RAPH1: variants seen among roughly 807,000 people sequenced by gnomAD.
RAPH1 encodes Ras association (RalGDS/AF-6) and pleckstrin homology domains 1.
Under a neutral mutation model 88.1 loss-of-function variants are expected in RAPH1, and 18 were observed. The ratio of observed to expected loss-of-function variants is 0.20; its 90% confidence interval spans 0.14 to 0.30. The LOEUF (loss-of-function observed/expected upper bound fraction) is 0.30, where lower values mean the gene tolerates loss of function less well. Ranked by LOEUF, RAPH1 falls within the 10% of genes least tolerant of loss-of-function variation. The pLI, the probability that RAPH1 is intolerant of heterozygous loss-of-function variation, is 1.00. For missense variants in RAPH1, 1,448 were observed against 1,543.2 expected, an observed-to-expected ratio of 0.94 and a Z score of 1.03; for synonymous variants, 587 against 559.0, an observed-to-expected ratio of 1.05 and a Z score of -0.71.
chr2:203,513,618 T>C (rs1689461311), intron 1 of RAPH1, among the ~76,000 whole-genome samples: 1 of 149,518 alleles, frequency 6.7e-6, no homozygotes, highest in African/African-American at 2.5e-5. Flanking sequence ...GGCAGATCAC[T>C]TGAGGTCAGG....
intron 1 of RAPH1, among the ~76,000 whole-genome samples, chr2:203,506,783 G>GATATCT: frequency 2.6e-5 from 1 of 38,334 alleles, no homozygotes; most frequent in South Asian, 6.3e-4. Context: ...TATATATCTA[G>GATATCT]ATATATATAT....
chr2:203,478,032 T>G (rs1487271563), intron 4 of RAPH1, among the ~76,000 whole-genome samples: 6 of 148,964 alleles, frequency 4.0e-5, no homozygotes, highest in Admixed American at 2.0e-4. Context: ...ATCAATAACT[T>G]TTTGTTTTTT....
chr2:203,482,794 ATC>A (rs1193477277), intron 4 of RAPH1, among the ~76,000 whole-genome samples: 2 of 151,492 alleles, frequency 1.3e-5, no homozygotes, highest in East Asian at 3.9e-4. Context: ...CAGAACGAGA[ATC>A]TGTCTCAAAA....
At position 203,445,782 on chromosome 2, in the gene RAPH1, G is replaced by T. The variant is rs555074022; in HGVS notation, c.1634-772C>A. 3.3e-5 allele frequency: 5 copies of T among 152,248 alleles called. No individual in the cohort carries two copies. The East Asian group carries it at 9.6e-4, about 29-fold the overall frequency. 9.4% of individuals were successfully genotyped at this position (152,248 alleles called of 1,614,324 possible). On this transcript the variant is annotated intron_variant, in intron 12 of 13. Coordinates refer to ENST00000319170, the MANE Select transcript of RAPH1 (RefSeq NM_213589.3). The stretch of plus-strand genomic sequence containing the variant: ...GAAAAGGAAGGGGAACCATGTTCTG[G>T]AAGGGTTGTTGGTTGGTTTTTTTTC...
chr2:203,512,014 G>A (rs559950944), intron 1 of RAPH1, among the ~76,000 whole-genome samples: 133 of 152,172 alleles, frequency 8.7e-4, no homozygotes, highest in African/African-American at 2.7e-3. Flanking sequence ...TCGGGAGGCT[G>A]AGGCAGGAGA....
At chr2:203,454,375 A>T in intron 10 of RAPH1, 55 bp downstream of exon 10, 1 of 1,172,812 alleles carries the variant, frequency 8.5e-7, no homozygotes, top group South Asian at 1.4e-5. Flanking sequence ...AATATCCAAT[A>T]ACCTGCTCTA....
At position 203,441,123 on chromosome 2, in the gene RAPH1, G is replaced by C. The variant is rs774181134; in HGVS notation, c.2067C>G (p.Pro689=). 2 of 1,612,318 alleles carry C rather than the reference G, an allele frequency of 1.2e-6. No individual in the cohort carries two copies. The highest frequency in any genetic ancestry group is 1.1e-5 in the South Asian group (1 of 90,998). ...TCACTGACTGTGACTGCATCACTGG[G>C]GGTGTTGGCGGCTTAAACAGGGCCC... ...HSGALFKPPT[P]PVMQSQSVKP... The change falls in exon 14 of 14, where the codon CCC becomes CCG. Residue 689 remains proline, a synonymous_variant. Transcript: ENST00000319170.
intron 1 of RAPH1, among the ~76,000 whole-genome samples, chr2:203,508,221 CAAAAAAA>C (rs768340713): frequency 1.7e-5 from 1 of 58,578 alleles, no homozygotes. Flanking sequence ...GACTCTGTCT[CAAAAAAA>C]AAAAAAAAAA....
At chr2:203,442,112 C>A (rs1259554675) in intron 13 of RAPH1, 2 of 1,573,462 alleles carry the variant, frequency 1.3e-6, no homozygotes, top group African/African-American at 1.4e-5. Flanking sequence ...GCTTTGTAAA[C>A]ATTATAGCAA....
In RAPH1 at chr2:203,435,255, G is replaced by A. The variant is rs753382209; in HGVS notation, c.*4182C>T. ...TTTGAATTTTATAAGGAAAGGCTGG[G>A]TACAGTGGCTCATGCCTGTAATCTC... is the stretch of plus-strand genomic sequence containing the variant. On this transcript the variant is annotated 3_prime_UTR_variant, in exon 14 of 14. Coordinates refer to ENST00000319170, the MANE Select transcript of RAPH1 (RefSeq NM_213589.3). 1 of 152,052 alleles carries A rather than the reference G, an allele frequency of 6.6e-6. No homozygotes were observed. Among genetic ancestry groups the A allele is most frequent in the Middle Eastern group, 3.4e-3 (1 of 296 alleles). The allele number at this position is 152,052 out of a possible 1,614,324, so 9.4% of individuals were successfully genotyped here.
intron 1 of RAPH1, among the ~76,000 whole-genome samples, chr2:203,500,039 GAC>G (rs1194332327): frequency 6.6e-6 from 1 of 152,136 alleles, no homozygotes; most frequent in Non-Finnish European, 1.5e-5. Flanking sequence ...ATGTTCCAAA[GAC>G]ACAAGAGAAG....
At chr2:203,534,504 G>GCCCC (rs1690525336) in intron 1 of RAPH1, among the ~76,000 whole-genome samples, 1 of 9,080 alleles carries the variant, frequency 1.1e-4, no homozygotes, top group Non-Finnish European at 3.0e-4. Flanking sequence ...CCCTCCCTCC[G>GCCCC]TCCACCCCCC....
chr2:203,439,773 A>G lies in RAPH1; in HGVS notation c.3417T>C (p.Ser1139=). The G allele has an allele frequency of 6.2e-7, 1 of 1,614,178 alleles. No individual in the cohort carries two copies. The highest frequency in any genetic ancestry group is 8.5e-7 in the Non-Finnish European group (1 of 1,180,036). The change falls in exon 14 of 14, where the codon TCT becomes TCC. Residue 1139 remains serine (S), a synonymous_variant. Transcript: ENST00000319170. Reference sequence around the variant, plus strand: ...CAACTGTGGCCATTGTTGGCTGCTCAGAAATCTCAGCTTGAGTGAGGCGGG... The same window carrying G: ...CAACTGTGGCCATTGTTGGCTGCTCGGAAATCTCAGCTTGAGTGAGGCGGG... ...DSTRLTQAEI[S]EQPTMATVVP... is the part of the protein sequence containing the mutation.
intron 4 of RAPH1, among the ~76,000 whole-genome samples, chr2:203,464,075 T>C (rs1317204445): frequency 2.6e-5 from 4 of 152,334 alleles, no homozygotes; most frequent in Admixed American, 2.6e-4. Flanking sequence ...CATGAATATT[T>C]TCTCAATGGG....
intron 4 of RAPH1, chr2:203,477,154 A>G: frequency 6.2e-7 from 1 of 1,613,764 alleles, no homozygotes; most frequent in Middle Eastern, 1.7e-4. Flanking sequence ...GAGAAATAGC[A>G]TGCTGTGAAA....
At chr2:203,442,549 G>C (rs1364523845) in intron 13 of RAPH1, 3 of 152,750 alleles carry the variant, frequency 2.0e-5, no homozygotes, top group African/African-American at 7.2e-5. Flanking sequence ...GTGAGATTGG[G>C]ATACAGGCGT....
intron 1 of RAPH1, among the ~76,000 whole-genome samples, chr2:203,529,398 G>A (rs907376267): frequency 1.1e-4 from 16 of 151,998 alleles, no homozygotes; most frequent in African/African-American, 4.8e-5. Context: ...TTTTGCTCTC[G>A]TTGCCTAGGC....
chr2:203,468,929 A>C (rs2098530845), intron 4 of RAPH1, among the ~76,000 whole-genome samples: 1 of 152,242 alleles, frequency 6.6e-6, no homozygotes, highest in Non-Finnish European at 1.5e-5. Context: ...GAAAGGTAGC[A>C]AAGATGATCA....
chr2:203,522,554 C>T (rs1689931667), intron 1 of RAPH1, among the ~76,000 whole-genome samples: 1 of 152,054 alleles, frequency 6.6e-6, no homozygotes, highest in Non-Finnish European at 1.5e-5. Context: ...CAGAAACTGA[C>T]AAGAGTATTC....
Sources: allele counts gnomAD v4.1 joint callset (sites outside exome capture counted in the v4.1 genomes callset), GRCh38; gene constraint gnomAD v4.1.1; transcripts MANE v1.5; gene names NCBI Gene and HGNC (gene_info 2026-07-23, HGNC 2026-07-21).